Variants in HDHD5 observed in about 807,000 individuals in gnomAD.
The protein encoded by HDHD5 is haloacid dehalogenase like hydrolase domain containing 5.
In HDHD5, 34 loss-of-function variants were observed where a neutral mutation model predicts 35.5. The observed-to-expected ratio is 0.96, with a 90% confidence interval of 0.73 to 1.28. The LOEUF (loss-of-function observed/expected upper bound fraction) is 1.28. Among genes scored for constraint, HDHD5 ranks in the 50% most tolerant of loss-of-function variants. HDHD5 has a pLI of 0.00. For synonymous variants in HDHD5, 248 were observed against 240.6 expected (o/e 1.03, Z -0.29); for missense variants, 589 against 560.2 (o/e 1.05, Z -0.52).
upstream of HDHD5, chr22:17,159,729 C>A (rs1389612468): frequency 6.7e-6 from 2 of 296,772 alleles, no homozygotes; most frequent in East Asian, 1.5e-4. Flanking sequence ...TTAAGTCTTT[C>A]ATTGTTTCTG....
upstream of HDHD5, chr22:17,159,417 G>C (rs1316373061): frequency 1.4e-6 from 1 of 735,626 alleles, no homozygotes; most frequent in African/African-American, 1.8e-5. Context: ...GCAGGCCAAA[G>C]GGGCTCCGTT....
intron 1 of HDHD5, among the ~76,000 whole-genome samples, chr22:17,150,862 T>TC (rs1264771806): frequency 1.3e-5 from 2 of 152,210 alleles, no homozygotes. Flanking sequence ...TTCCTAAACA[T>TC]CATTTCTGGC....
intron 1 of HDHD5, among the ~76,000 whole-genome samples, chr22:17,156,733 G>GCCACT (rs1295388281): frequency 5.9e-4 from 88 of 149,324 alleles, no homozygotes; most frequent in African/African-American, 2.1e-3. Context: ...CCGAGACCAC[G>GCCACT]CCACTCCACT....
At chr22:17,157,085 T>TACATACACACACAC (rs1555881521) in intron 1 of HDHD5, among the ~76,000 whole-genome samples, 1 of 143,682 alleles carries the variant, frequency 7.0e-6, no homozygotes, top group African/African-American at 2.6e-5. Flanking sequence ...CTCACACACA[T>TACATACACACACAC]ACACACACAC....
intron 6 of HDHD5, among the ~76,000 whole-genome samples, chr22:17,139,538 A>C (rs1424860397): frequency 1.3e-5 from 2 of 149,868 alleles, no homozygotes; most frequent in South Asian, 2.1e-4. Context: ...AAAAAAAAAA[A>C]CAAACAAACT....
At chr22:17,152,124 C>T (rs563862405) in intron 1 of HDHD5, among the ~76,000 whole-genome samples, 9 of 152,242 alleles carry the variant, frequency 5.9e-5, no homozygotes, top group Admixed American at 5.9e-4. Context: ...TAGGCCCACA[C>T]CAGAGGAACC....
At chr22:17,143,162 A>G (rs780507876) in intron 4 of HDHD5, 31 bp from the exon 5 acceptor site, 2 of 1,601,464 alleles carry the variant, frequency 1.2e-6, no homozygotes, top group Non-Finnish European at 1.7e-6. Flanking sequence ...GGCTATCAAC[A>G]CAAGTCGCCT....
Position 17,149,675 on chromosome 22 carries a change from G to A in HDHD5, c.197C>T (p.Ala66Val). 1 of 1,614,014 alleles carries A rather than the reference G, an allele frequency of 6.2e-7. No individual in the cohort carries two copies. The highest frequency in any genetic ancestry group is 8.5e-7 in the Non-Finnish European group (1 of 1,180,032). ...CAGCCTTCGGAAGGCTTTCAGAGCA[G>A]CAGGGATCACTCTGTGGCCCCGCAC... Reference protein sequence around the residue: ...VLVRGHRVIPAALKAFRRLVN... With the variant: ...VLVRGHRVIPVALKAFRRLVN... The change falls in exon 2 of 8, where the codon GCT becomes GTT. Residue 66 changes from alanine to valine, a missense_variant. Physicochemically the swap from Ala to Val is moderately conservative, Grantham distance 64. Coordinates refer to ENST00000336737, the MANE Select transcript of HDHD5 (RefSeq NM_033070.3).
chr22:17,157,266 A>ATTTTT (rs1555881570), intron 1 of HDHD5, among the ~76,000 whole-genome samples: 2 of 139,800 alleles, frequency 1.4e-5, no homozygotes, highest in African/African-American at 2.6e-5. Context: ...ACTAAGGTTA[A>ATTTTT]TTTTCTTTTT....
At position 17,159,246 on chromosome 22, in the gene HDHD5, A is replaced by G; in HGVS notation, c.6T>C (p.Ala2=). The G allele has an allele frequency of 1.7e-6, 2 of 1,208,064 alleles. No individual in the cohort carries two copies. The highest frequency in any genetic ancestry group is 2.1e-6 in the Non-Finnish European group (2 of 971,962). 74.8% of individuals were successfully genotyped at this position (1,208,064 alleles called of 1,614,324 possible). Residue 2 remains alanine, a synonymous_variant, in exon 1 of 8, where the codon GCT becomes GCC. Transcript: ENST00000336737. Reference sequence around the variant, plus strand: ...CGAGCGCAGCCACACAGCCCCACGCAGCCATCCGGCCGTCGCCGTGCGCAC... The same window carrying G: ...CGAGCGCAGCCACACAGCCCCACGCGGCCATCCGGCCGTCGCCGTGCGCAC... M[A]AWGCVAALGA...
intron 4 of HDHD5, 92 bp downstream of exon 4, chr22:17,144,932 G>A (rs1484678825): frequency 2.8e-6 from 4 of 1,453,300 alleles, no homozygotes; most frequent in Admixed American, 1.9e-5. Flanking sequence ...TCACAGCTCT[G>A]CAGGAGGGCT....
chr22:17,151,171 CT>C (rs1223731166), intron 1 of HDHD5, among the ~76,000 whole-genome samples: 1 of 152,174 alleles, frequency 6.6e-6, no homozygotes, highest in Non-Finnish European at 1.5e-5. Context: ...AATTATCAAA[CT>C]TTTTTATAAT....
At chr22:17,143,211 TGGGAG>T in intron 4 of HDHD5, 80 bp from the exon 5 acceptor site, 1 of 1,507,766 alleles carries the variant, frequency 6.6e-7, no homozygotes, top group Non-Finnish European at 9.0e-7. Flanking sequence ...TCCAGGGTGC[TGGGAG>T]GGGAGGGGAG....
At chr22:17,152,950 G>T (rs925723043) in intron 1 of HDHD5, among the ~76,000 whole-genome samples, 2 of 152,026 alleles carry the variant, frequency 1.3e-5, no homozygotes, top group Admixed American at 1.3e-4. Context: ...AGGAGGGCAG[G>T]GACCCTGGAA....
intron 5 of HDHD5, chr22:17,141,763 A>C: frequency 4.9e-6 from 1 of 205,436 alleles, no homozygotes; most frequent in Non-Finnish European, 8.6e-6. Context: ...ACTACATAAC[A>C]GCAACAGCAC....
Position 17,165,208 on chromosome 22 carries a change from C to A in HDHD5, c.36+1G>T, listed in dbSNP as rs1428301629. ...CCTGGGGAAGAGGAAACGTGAGTTA[C>A]CTGAGAGAAGCTGGGAAGAAAGAAC... On this transcript the variant is annotated splice_donor_variant, in intron 1 of 7. Transcript: ENST00000155674. LOFTEE classifies it high-confidence loss of function. The A allele has an allele frequency of 1.4e-5, 11 of 777,296 alleles. No homozygotes were observed. The highest frequency in any genetic ancestry group is 2.4e-5 in the Non-Finnish European group (10 of 416,204). 48.1% of individuals were successfully genotyped at this position (777,296 alleles called of 1,614,324 possible).
At chr22:17,162,924 G>A (rs1469232116), upstream of HDHD5, among the ~76,000 whole-genome samples, 5 of 152,226 alleles carry the variant, frequency 3.3e-5, no homozygotes, top group Non-Finnish European at 5.9e-5. Flanking sequence ...GACATTGTAA[G>A]CAGAACCCCT....
chr22:17,143,375 A>G (rs555428021), intron 4 of HDHD5: 94 of 450,014 alleles, frequency 2.1e-4, no homozygotes, highest in African/African-American at 1.7e-3. Context: ...ACCAGGAGGA[A>G]GGGTGGTCAG....
At chr22:17,150,484 T>G (rs1344596433) in intron 1 of HDHD5, among the ~76,000 whole-genome samples, 1 of 152,092 alleles carries the variant, frequency 6.6e-6, no homozygotes. Flanking sequence ...TTGACTTTGT[T>G]TTCCATCTTA....
Sources: gnomAD v4.1 joint callset for allele counts (sites outside exome capture counted in the v4.1 genomes callset) on GRCh38, gnomAD v4.1.1 for gene constraint, MANE v1.5 for transcripts, NCBI Gene and HGNC (gene_info 2026-07-23, HGNC 2026-07-21) for gene names.